The following CDC42SE2 variants were observed in gnomAD, a reference collection of about 807,000 sequenced individuals.
The protein encoded by CDC42SE2 is CDC42 small effector protein 2.
Under a neutral mutation model 11.5 loss-of-function variants are expected in CDC42SE2, and 3 were observed. The ratio of observed to expected loss-of-function variants is 0.26; its 90% CI spans 0.12 to 0.67. The LOEUF is 0.67. Among genes scored for constraint, CDC42SE2 ranks in the 30% least tolerant of loss-of-function variants. The pLI, the probability that CDC42SE2 is intolerant of heterozygous loss-of-function variation, is 0.80. For synonymous variants in CDC42SE2, 33 were observed against 34.8 expected (o/e 0.95, Z 0.18); for missense variants, 82 against 106.8 (o/e 0.77, Z 1.02).
chr5:131,252,381 C>T (rs1756647344), intron 1 of CDC42SE2, among the ~76,000 whole-genome samples: 1 of 152,156 alleles, frequency 6.6e-6, no homozygotes, highest in African/African-American at 2.4e-5. Context: ...CGGCCAGTTG[C>T]GGTGGCTCAC....
intron 1 of CDC42SE2, among the ~76,000 whole-genome samples, chr5:131,308,788 T>C (rs1372136989): frequency 6.6e-6 from 1 of 151,986 alleles, no homozygotes; most frequent in Non-Finnish European, 1.5e-5. Flanking sequence ...TTTTTGTACA[T>C]TGATTTTGTA....
chr5:131,356,821 T>C (rs1018611321), intron 2 of CDC42SE2, among the ~76,000 whole-genome samples: 1 of 151,966 alleles, frequency 6.6e-6, no homozygotes, highest in African/African-American at 2.4e-5. Flanking sequence ...GGCAGGAGGA[T>C]CACCTGAGCT....
chr5:131,318,188 G>A (rs548887716), intron 2 of CDC42SE2, among the ~76,000 whole-genome samples: 3 of 152,166 alleles, frequency 2.0e-5, no homozygotes, highest in South Asian at 2.1e-4. Flanking sequence ...GTCTACCTGC[G>A]TTGGCCTCCC....
intron 2 of CDC42SE2, among the ~76,000 whole-genome samples, chr5:131,332,744 T>A (rs966964558): frequency 6.6e-6 from 1 of 152,198 alleles, no homozygotes; most frequent in Non-Finnish European, 1.5e-5. Context: ...TTTCATGTGT[T>A]TTTTGGCTGC....
intron 1 of CDC42SE2, among the ~76,000 whole-genome samples, chr5:131,299,631 T>C (rs1295004924): frequency 2.0e-5 from 3 of 152,156 alleles, no homozygotes; most frequent in Non-Finnish European, 4.4e-5. Flanking sequence ...GGAGCTGCAC[T>C]ACATGCAGCT....
Position 131,251,779 on chromosome 5 carries a change from C to T in CDC42SE2, n.108-3316C>T, listed in dbSNP as rs187140483. Among the ~76,000 whole-genome samples, 6 of 152,078 alleles carry T rather than the reference C, an allele frequency of 3.9e-5. No individual in the cohort carries two copies. The East Asian group carries it at 5.8e-4, about 15-fold the overall frequency. On this transcript the variant is annotated intron_variant and non_coding_transcript_variant, in intron 1 of 3. Coordinates refer to the CDC42SE2 transcript ENST00000502840. ...CTGTAATTGCGGAATTTTGGGATTC[C>T]GAAGAGGGTGGATCACTTGAGCCCA... is the stretch of plus-strand genomic sequence containing the variant.
intron 1 of CDC42SE2, among the ~76,000 whole-genome samples, chr5:131,287,193 C>A (rs1361301215): frequency 6.6e-6 from 1 of 151,914 alleles, no homozygotes; most frequent in African/African-American, 2.4e-5. Flanking sequence ...CTGGGTTTCA[C>A]CATGTTGGCC....
intron 2 of CDC42SE2, among the ~76,000 whole-genome samples, chr5:131,326,689 G>C (rs1758307892): frequency 6.6e-6 from 1 of 151,502 alleles, no homozygotes; most frequent in Admixed American, 6.6e-5. Context: ...ATGATTATGT[G>C]GTTTTGTTCT....
chr5:131,260,341 G>A (rs569920149), upstream of CDC42SE2, among the ~76,000 whole-genome samples: 1 of 152,296 alleles, frequency 6.6e-6, no homozygotes, highest in African/African-American at 2.4e-5. Context: ...CATTAATAGT[G>A]GCTGGGCACG....
chr5:131,219,224 G>C, the CDC42SE2 span, among the ~76,000 whole-genome samples: 45 of 152,154 alleles, frequency 3.0e-4, no homozygotes, highest in African/African-American at 1.1e-3. Context: ...TATACCTTGT[G>C]ATCTTGACAT....
chr5:131,293,657 A>T (rs905625802), intron 1 of CDC42SE2, among the ~76,000 whole-genome samples: 1 of 151,874 alleles, frequency 6.6e-6, no homozygotes, highest in Non-Finnish European at 1.5e-5. Context: ...TTCCACAACT[A>T]TGAGAAACAA....
chr5:131,267,912 A>G (rs941689284), intron 1 of CDC42SE2, among the ~76,000 whole-genome samples: 1 of 152,130 alleles, frequency 6.6e-6, no homozygotes, highest in Non-Finnish European at 1.5e-5. Context: ...TATTGTTCTT[A>G]TTCTCAATTT....
At chr5:131,338,660 C>T (rs1236157517) in intron 2 of CDC42SE2, among the ~76,000 whole-genome samples, 1 of 152,144 alleles carries the variant, frequency 6.6e-6, no homozygotes, top group East Asian at 1.9e-4. Flanking sequence ...TTTTGTAGAG[C>T]AGCAAACTAG....
At chr5:131,304,120 A>T (rs1021713871) in intron 1 of CDC42SE2, among the ~76,000 whole-genome samples, 1 of 151,972 alleles carries the variant, frequency 6.6e-6, no homozygotes, top group Non-Finnish European at 1.5e-5. Flanking sequence ...CCACCATGCC[A>T]GGCTAATTTA....
intron 2 of CDC42SE2, among the ~76,000 whole-genome samples, chr5:131,323,986 A>G (rs1184341493): frequency 2.0e-5 from 3 of 152,216 alleles, no homozygotes; most frequent in African/African-American, 7.2e-5. Context: ...TGCTTTTTCA[A>G]GAAAATTTTA....
chr5:131,289,968 G>C (rs1275847710), intron 1 of CDC42SE2, among the ~76,000 whole-genome samples: 2 of 151,922 alleles, frequency 1.3e-5, no homozygotes, highest in Non-Finnish European at 2.9e-5. Flanking sequence ...TCAGCCTTTT[G>C]AGTAGCTAGG....
chr5:131,218,809 G>A, the CDC42SE2 span, among the ~76,000 whole-genome samples: 61 of 152,296 alleles, frequency 4.0e-4, no homozygotes, highest in Non-Finnish European at 7.9e-4. Flanking sequence ...TGCTGATAAT[G>A]TTCTGGTTTT....
At chr5:131,225,114 G>C in the CDC42SE2 span, among the ~76,000 whole-genome samples, 3 of 152,160 alleles carry the variant, frequency 2.0e-5, no homozygotes, top group South Asian at 2.1e-4. Context: ...GGTTGAAATC[G>C]AAGTGGTGGC....
At chr5:131,351,476 G>A (rs972206958) in intron 2 of CDC42SE2, among the ~76,000 whole-genome samples, 4 of 152,108 alleles carry the variant, frequency 2.6e-5, no homozygotes, top group Admixed American at 6.5e-5. Context: ...GGATGGTCTC[G>A]ATCTCCTGAC....
Sources: gnomAD v4.1 joint callset for allele counts (sites outside exome capture counted in the v4.1 genomes callset) on GRCh38, gnomAD v4.1.1 for gene constraint, MANE v1.5 for transcripts, NCBI Gene and HGNC (gene_info 2026-07-23, HGNC 2026-07-21) for gene names.